Variants in ANTXR2 observed in about 807,000 individuals in gnomAD.
ANTXR2 encodes the protein anthrax toxin receptor 2.
Under a neutral mutation model 73.7 loss-of-function variants are expected in ANTXR2, and 44 were observed. The observed-to-expected ratio is 0.60, with a 90% CI of 0.47 to 0.77. ANTXR2 has a LOEUF of 0.77. Among genes scored for constraint, ANTXR2 ranks in the 30% least tolerant of loss-of-function variants. The pLI is 0.00. For missense variants in ANTXR2, 604 were observed against 592.5 expected (o/e 1.02, Z -0.20); for synonymous variants, 217 against 205.9 (o/e 1.05, Z -0.46).
rs967757310 is a variant in ANTXR2, at chr4:79,905,143, G to C, written c.*2286C>G. ...AAAGTTATTTTTCCATTTAAAGGCA[G>C]AGGTTAATTTTCATTGTTCATGCAG... is the stretch of plus-strand genomic sequence containing the variant. On this transcript the variant is annotated 3_prime_UTR_variant, in exon 17 of 17. Coordinates refer to ENST00000403729, the MANE Select transcript of ANTXR2 (RefSeq NM_058172.6). 1 of 152,134 alleles carries C rather than the reference G, an allele frequency of 6.6e-6. No individual in the cohort carries two copies. Among genetic ancestry groups the C allele is most frequent in the African/African-American group, 2.4e-5 (1 of 41,432 alleles). The allele number at this position is 152,134 out of a possible 1,614,324, so 9.4% of individuals were successfully genotyped here.
chr4:79,951,890 TTC>T lies in ANTXR2; in HGVS notation c.1428+25729_1428+25730del, dbSNP rs141117990. Among the ~76,000 whole-genome samples the T allele has an allele frequency of 8.2e-3, 1,245 of 152,276 alleles. 18 individuals are homozygous for T. The highest frequency in any genetic ancestry group is 0.029 in the African/African-American group (1,206 of 41,564). ...TTAGGCAACACTTTTGTGTAATCTC[TTC>T]TGTTACTTCCTTGAATTGATGTTTA... is the stretch of plus-strand genomic sequence containing the variant. On this transcript the variant is annotated intron_variant, in intron 16 of 16. Coordinates refer to ENST00000403729, the MANE Select transcript of ANTXR2 (RefSeq NM_058172.6).
At chr4:80,017,551 A>G (rs936755001) in intron 11 of ANTXR2, among the ~76,000 whole-genome samples, 1 of 152,072 alleles carries the variant, frequency 6.6e-6, no homozygotes, top group Non-Finnish European at 1.5e-5. Context: ...TATACATCCC[A>G]CATGAGTCAT....
intron 16 of ANTXR2, among the ~76,000 whole-genome samples, chr4:79,958,108 C>G (rs962552286): frequency 1.3e-5 from 2 of 151,940 alleles, no homozygotes; most frequent in South Asian, 2.1e-4. Context: ...TTGATTCTCT[C>G]TCCTTCTATA....
intron 10 of ANTXR2, among the ~76,000 whole-genome samples, chr4:80,025,363 A>G (rs1160810276): frequency 6.6e-6 from 1 of 152,200 alleles, no homozygotes; most frequent in Non-Finnish European, 1.5e-5. Flanking sequence ...ATGAATTATG[A>G]TTGACATTTC....
At chr4:79,983,996 T>C (rs1375936343) in intron 13 of ANTXR2, 26 bp from the exon 14 acceptor site, 3 of 1,462,994 alleles carry the variant, frequency 2.1e-6, no homozygotes, top group Non-Finnish European at 1.9e-6. Flanking sequence ...TTATAAATAG[T>C]TTTTAATTAA....
At chr4:79,952,072 T>C (rs1728727461) in intron 16 of ANTXR2, among the ~76,000 whole-genome samples, 2 of 143,410 alleles carry the variant, frequency 1.4e-5, no homozygotes, top group Admixed American at 1.5e-4. Context: ...ATTTTATGCC[T>C]ATCATGTCCT....
At chr4:80,017,182 G>T (rs1048825449) in intron 11 of ANTXR2, among the ~76,000 whole-genome samples, 1 of 152,154 alleles carries the variant, frequency 6.6e-6, no homozygotes, top group Non-Finnish European at 1.5e-5. Flanking sequence ...TTATCCAGAG[G>T]CTCCCACTCT....
chr4:79,984,639 T>C (rs1441831255), intron 13 of ANTXR2, among the ~76,000 whole-genome samples, 180 bp downstream of exon 13: 4 of 152,144 alleles, frequency 2.6e-5, no homozygotes, highest in African/African-American at 7.2e-5. Flanking sequence ...GAAGTTCCCA[T>C]TCCTCTAGCA....
chr4:79,980,510 GC>G (rs1436805237), intron 14 of ANTXR2, among the ~76,000 whole-genome samples: 2 of 152,142 alleles, frequency 1.3e-5, no homozygotes, highest in African/African-American at 4.8e-5. Flanking sequence ...AAGCTTGATA[GC>G]TAAATTCTTC....
At chr4:80,073,275 C>G (rs1197696714), upstream of ANTXR2, 4 of 152,508 alleles carry the variant, frequency 2.6e-5, no homozygotes, top group East Asian at 5.8e-4. Context: ...GCTGAAGCCT[C>G]CGAGCCACAC....
rs567235708 is a variant in ANTXR2, at chr4:80,005,085, T to G, written c.1041+3436A>C. Among the ~76,000 whole-genome samples, 165 of 152,284 alleles carry G rather than the reference T, an allele frequency of 1.1e-3. 2 individuals carry two copies. The highest frequency in any genetic ancestry group is 3.9e-3 in the African/African-American group (163 of 41,568). ...ATAAAATATGACTTAATATTTCATA[T>G]TTTGGCATTTTATAAAACATGAAAT... On this transcript the variant is annotated intron_variant, in intron 12 of 16. Transcript: ENST00000403729.
At chr4:79,949,955 T>C (rs1006354827) in intron 16 of ANTXR2, among the ~76,000 whole-genome samples, 1 of 152,202 alleles carries the variant, frequency 6.6e-6, no homozygotes, top group Non-Finnish European at 1.5e-5. Flanking sequence ...ATATAACTGA[T>C]GATTATATTT....
In ANTXR2 at chr4:79,907,322, G is replaced by C. The variant is rs908185636; in HGVS notation, c.*107C>G. 1 of 1,206,962 alleles carries C rather than the reference G, an allele frequency of 8.3e-7. No homozygotes were observed. The highest frequency in any genetic ancestry group is 1.2e-6 in the Non-Finnish European group (1 of 826,074). The allele number at this position is 1,206,962 out of a possible 1,614,324, so 74.8% of individuals were successfully genotyped here. ...TTTCCCGACTGAGAGGAATTAAGCT[G>C]CTCTTCCAAAAGCTTCTGAAATGCA... On this transcript the variant is annotated 3_prime_UTR_variant, in exon 17 of 17. Transcript: ENST00000403729.
At chr4:79,976,038 G>A (rs1192405101) in intron 16 of ANTXR2, among the ~76,000 whole-genome samples, 4 of 151,006 alleles carry the variant, frequency 2.6e-5, no homozygotes, top group Admixed American at 6.6e-5. Context: ...TCAGCCTCGC[G>A]AGTAGCTGGG....
intron 16 of ANTXR2, among the ~76,000 whole-genome samples, chr4:79,917,986 T>C (rs1289483487): frequency 6.6e-6 from 1 of 151,286 alleles, no homozygotes; most frequent in Non-Finnish European, 1.5e-5. Flanking sequence ...ATAAAGATAC[T>C]GGGAACATCA....
chr4:80,071,537 T>G lies in ANTXR2; in HGVS notation c.224+46A>C, dbSNP rs750564640. 4 of 1,484,918 alleles carry G rather than the reference T, an allele frequency of 2.7e-6. No individual in the cohort carries two copies. The Admixed American group carries it at 6.7e-5, about 25-fold the overall frequency. 92.0% of individuals were successfully genotyped at this position (1,484,918 alleles called of 1,614,324 possible). On this transcript the variant is annotated intron_variant, in intron 2 of 16. Transcript: ENST00000403729. ...TTTCAGAAAAGGGAAATTCTACACT[T>G]TGCTCTACTTCTCCACTGCCTAGAA... is the stretch of plus-strand genomic sequence containing the variant.
chr4:79,916,670 G>T (rs1385737926), intron 16 of ANTXR2, among the ~76,000 whole-genome samples: 2 of 152,072 alleles, frequency 1.3e-5, no homozygotes, highest in African/African-American at 2.4e-5. Flanking sequence ...GAAGAGAAAA[G>T]TCGAATAAAT....
intron 7 of ANTXR2, among the ~76,000 whole-genome samples, chr4:80,037,243 T>A (rs958218486): frequency 2.6e-5 from 4 of 152,154 alleles, no homozygotes; most frequent in Non-Finnish European, 5.9e-5. Context: ...GTTTCTAGCA[T>A]CTCCTTTTCA....
At chr4:80,047,093 TAACC>T (rs1211924139) in intron 7 of ANTXR2, among the ~76,000 whole-genome samples, 1 of 151,788 alleles carries the variant, frequency 6.6e-6, no homozygotes, top group Admixed American at 6.6e-5. Flanking sequence ...TTTATCTGTG[TAACC>T]AAATGTCATC....
Sources: allele counts gnomAD v4.1 joint callset (sites outside exome capture counted in the v4.1 genomes callset), GRCh38; gene constraint gnomAD v4.1.1; transcripts MANE v1.5; gene names NCBI Gene and HGNC (gene_info 2026-07-23, HGNC 2026-07-21).